Variants in MYO1F observed in about 807,000 individuals in gnomAD.
MYO1F encodes unconventional myosin-If.
MYO1F carries 60 observed loss-of-function variants against 146.6 expected under a neutral mutation model. That is an observed-to-expected ratio of 0.41 (90% confidence interval 0.33 to 0.51). The LOEUF (loss-of-function observed/expected upper bound fraction) is 0.51, where lower values mean the gene tolerates loss of function less well. Among genes scored for constraint, MYO1F ranks in the 20% least tolerant of loss-of-function variants. The pLI, the probability that MYO1F is intolerant of heterozygous loss-of-function variation, is 0.25. For synonymous variants in MYO1F, 602 were observed against 602.1 expected, an observed-to-expected ratio of 1.00 and a Z score of 0.00; for missense variants, 1,274 against 1,534.3, an observed-to-expected ratio of 0.83 and a Z score of 2.83.
chr19:8,555,579 T>G, intron 2 of MYO1F, 80 bp downstream of exon 2: 1 of 1,593,200 alleles, frequency 6.3e-7, no homozygotes, highest in Non-Finnish European at 8.6e-7. Flanking sequence ...CTCCCTCTGC[T>G]CCTTCACCCT....
chr19:8,538,862 G>A (rs150965130), intron 16 of MYO1F, among the ~76,000 whole-genome samples: 1 of 152,204 alleles, frequency 6.6e-6, no homozygotes, highest in Non-Finnish European at 1.5e-5. Context: ...TTGGAAAGCA[G>A]ATAGGCAGTG....
intron 1 of MYO1F, among the ~76,000 whole-genome samples, chr19:8,564,797 G>C (rs1169636265): frequency 1.3e-5 from 2 of 151,714 alleles, no homozygotes; most frequent in Admixed American, 6.6e-5. Flanking sequence ...TTTTGAGACA[G>C]AGTCTCGCTC....
In MYO1F at chr19:8,521,340, G is replaced by T; in HGVS notation, c.*188C>A. The stretch of plus-strand genomic sequence containing the variant: ...GGTGTGATGTTGGAGGAAGACCAGG[G>T]CCCAGGGGCGGGGGCTGCAGCAGTG... On this transcript the variant is annotated 3_prime_UTR_variant, in exon 28 of 28. Coordinates refer to ENST00000644032, the MANE Select transcript of MYO1F (RefSeq NM_012335.4). 1.5e-6 allele frequency: 1 copy of T among 654,142 alleles called. No individual in the cohort carries two copies. The highest frequency in any genetic ancestry group is 2.8e-6 in the Non-Finnish European group (1 of 359,914). 40.5% of individuals were successfully genotyped at this position (654,142 alleles called of 1,614,324 possible).
At chr19:8,572,242 A>G (rs1555732127) in intron 1 of MYO1F, among the ~76,000 whole-genome samples, 5 of 147,268 alleles carry the variant, frequency 3.4e-5, no homozygotes. Context: ...TGTTACGTTC[A>G]CTCTTTGCAT....
In MYO1F at chr19:8,536,954, C is replaced by T; in HGVS notation, c.1794G>A (p.Glu598=). 1 of 1,611,494 alleles carries T rather than the reference C, an allele frequency of 6.2e-7. No homozygotes were observed. The highest frequency in any genetic ancestry group is 8.5e-7 in the Non-Finnish European group (1 of 1,178,416). Residue 598 remains glutamate (E), a synonymous_variant, in exon 17 of 28, where the codon GAG becomes GAA. Coordinates refer to ENST00000644032, the MANE Select transcript of MYO1F (RefSeq NM_012335.4). ...NETKRPRDWE[E]NRVKHQVEYL... ...GATTGGTTGGGGGGGATCACCTGTT[C>T]TCCTCCCAGTCTCGGGGCCTCTTGG...
intron 2 of MYO1F, among the ~76,000 whole-genome samples, chr19:8,554,958 C>T (rs771549992): frequency 2.6e-5 from 4 of 151,870 alleles, no homozygotes; most frequent in Non-Finnish European, 5.9e-5. Flanking sequence ...CCGAGGCAGG[C>T]GGATCACTTG....
In MYO1F at chr19:8,530,147, T is replaced by A. The variant is rs1396496415; in HGVS notation, c.2328+49A>T. On this transcript the variant is annotated intron_variant, in intron 21 of 27. Coordinates refer to ENST00000644032, the MANE Select transcript of MYO1F (RefSeq NM_012335.4). This position sits in a 1 kb window ranked among gnomAD's most constrained non-coding sequence, Gnocchi z 5.8. The stretch of plus-strand genomic sequence containing the variant: ...CAGGTGCATCTGGGCCAGGTGAGGG[T>A]GCCAGGCTGTAGTCAGGGTCTTGCT... 1.2e-6 allele frequency: 2 copies of A among 1,611,972 alleles called. No homozygotes were observed. The highest frequency in any genetic ancestry group is 3.3e-5 in the Admixed American group (2 of 59,952).
chr19:8,528,076 G>T (rs2145831836), intron 21 of MYO1F, among the ~76,000 whole-genome samples: 1 of 152,114 alleles, frequency 6.6e-6, no homozygotes, highest in East Asian at 1.9e-4. Flanking sequence ...ACAAAAATTA[G>T]CTGGGCGAGG....
rs370910957 is a variant in MYO1F, at chr19:8,564,242, G to T, written c.4-8446C>A. 2.8e-4 allele frequency among the ~76,000 whole-genome samples: 42 copies of T among 152,154 alleles called. 1 individual carries two copies. The highest frequency in any genetic ancestry group is 3.4e-3 in the Middle Eastern group (1 of 294). ...CTAAAAATACAAAAATTAGCCAGGC[G>T]TGGTGTCAGGCGCCTGTAATCCCAG... On this transcript the variant is annotated intron_variant, in intron 1 of 27. Transcript: ENST00000644032.
chr19:8,553,920 T>TCTCTCG (rs1329711097), intron 4 of MYO1F, among the ~76,000 whole-genome samples: 2 of 147,866 alleles, frequency 1.4e-5, no homozygotes, highest in Non-Finnish European at 3.0e-5. Flanking sequence ...TCTCTCTCTC[T>TCTCTCG]CTCGCTCTCT....
chr19:8,565,371 C>T (rs938048616), intron 1 of MYO1F, among the ~76,000 whole-genome samples: 2 of 151,596 alleles, frequency 1.3e-5, no homozygotes, highest in Non-Finnish European at 1.5e-5. Context: ...GGGGAAACCC[C>T]GTCTCCACTA....
At chr19:8,537,089 CA>C (rs1296376368) in intron 16 of MYO1F, 34 bp from the exon 17 acceptor site, 2 of 1,432,834 alleles carry the variant, frequency 1.4e-6, no homozygotes, top group Non-Finnish European at 2.0e-6. Flanking sequence ...GGGTGGGGGG[CA>C]CAGAGATGGG....
chr19:8,574,721 CTTTCTTTCTTTCTT>C (rs1423307386), intron 1 of MYO1F, among the ~76,000 whole-genome samples: 15 of 137,832 alleles, frequency 1.1e-4, no homozygotes, highest in East Asian at 4.1e-4. Context: ...TTTTCTTTCT[CTTTCTTTCTTTCTT>C]TTTCTTTCTT....
chr19:8,525,647 G>A (rs1972236082), intron 24 of MYO1F, 85 bp from the exon 25 acceptor site: 9 of 1,105,492 alleles, frequency 8.1e-6, no homozygotes, highest in Non-Finnish European at 1.2e-5. Flanking sequence ...CTGAGGCTCC[G>A]CCGCACCCCG....
At chr19:8,574,530 CCTTT>C (rs1183292416) in intron 1 of MYO1F, among the ~76,000 whole-genome samples, 80 of 119,106 alleles carry the variant, frequency 6.7e-4, no homozygotes, top group African/African-American at 2.2e-3. Flanking sequence ...TTCTTTTTTC[CCTTT>C]CTTTCTTTCT....
chr19:8,553,121 A>G lies in MYO1F; in HGVS notation c.504+18T>C. The G allele has an allele frequency of 6.2e-7, 1 of 1,611,410 alleles. No homozygotes were observed. Among genetic ancestry groups the G allele is most frequent in the East Asian group, 2.2e-5 (1 of 44,874 alleles). On this transcript the variant is annotated intron_variant, in intron 6 of 27. Transcript: ENST00000644032. Reference sequence around the variant, plus strand: ...CACGGAGGGAGCAGCTGCTCCAAGCAGGTCTGCAGAGACTTACAAAGCGGC... The same window carrying G: ...CACGGAGGGAGCAGCTGCTCCAAGCGGGTCTGCAGAGACTTACAAAGCGGC...
chr19:8,528,573 AAAG>A (rs1972360128), intron 21 of MYO1F, among the ~76,000 whole-genome samples: 1 of 152,016 alleles, frequency 6.6e-6, no homozygotes, highest in Non-Finnish European at 1.5e-5. Flanking sequence ...AAAAAACAAA[AAAG>A]AAAAACAAAA....
intron 1 of MYO1F, among the ~76,000 whole-genome samples, chr19:8,565,002 A>G (rs1308941371): frequency 2.0e-5 from 3 of 151,548 alleles, no homozygotes; most frequent in Non-Finnish European, 4.4e-5. Context: ...CGAACTCCCA[A>G]CCTCAGGTGA....
At chr19:8,554,592 T>C in intron 3 of MYO1F, 21 bp from the exon 4 acceptor site, 1 of 1,611,340 alleles carries the variant, frequency 6.2e-7, no homozygotes, top group Non-Finnish European at 8.5e-7. Flanking sequence ...AGGTCAGGTC[T>C]CAGCCCAGGG....
Sources: allele counts gnomAD v4.1 joint callset (sites outside exome capture counted in the v4.1 genomes callset), GRCh38; gene constraint gnomAD v4.1.1; non-coding constraint Gnocchi (gnomAD v3.1); transcripts MANE v1.5; gene names NCBI Gene and HGNC (gene_info 2026-07-23, HGNC 2026-07-21).